The following PTPRT variants were observed in gnomAD, a reference collection of about 807,000 sequenced individuals.
The protein encoded by PTPRT is receptor-type tyrosine-protein phosphatase T.
A neutral mutation model predicts 176.8 loss-of-function variants in PTPRT; 56 were observed. That is an observed-to-expected ratio of 0.32 (90% CI 0.26 to 0.40). The LOEUF (loss-of-function observed/expected upper bound fraction) is 0.40, where lower values mean the gene tolerates loss of function less well. Among genes scored for constraint, PTPRT ranks in the 10% least tolerant of loss-of-function variants. The pLI is 1.00. For synonymous variants in PTPRT, 783 were observed against 739.0 expected (o/e 1.06, Z -0.96); for missense variants, 1,540 against 1,908.2 (o/e 0.81, Z 3.60).
intron 6 of PTPRT, among the ~76,000 whole-genome samples, chr20:42,743,543 T>C (rs1430232351): frequency 1.3e-5 from 2 of 152,244 alleles, no homozygotes; most frequent in Non-Finnish European, 2.9e-5. Flanking sequence ...GGAATAAGCG[T>C]GAAGCCTGGC....
At chr20:43,171,882 C>A (rs1396015447) in intron 1 of PTPRT, among the ~76,000 whole-genome samples, 1 of 152,214 alleles carries the variant, frequency 6.6e-6, no homozygotes, top group Non-Finnish European at 1.5e-5. Context: ...AGTACCCTAA[C>A]CCCTCTCCTC....
chr20:43,141,673 G>A (rs2014011606), intron 1 of PTPRT, among the ~76,000 whole-genome samples: 1 of 152,210 alleles, frequency 6.6e-6, no homozygotes, highest in South Asian at 2.1e-4. Flanking sequence ...CAGATGGTAA[G>A]GGGAAGAATT....
intron 18 of PTPRT, among the ~76,000 whole-genome samples, chr20:42,139,966 A>C (rs1328202554): frequency 1.3e-5 from 2 of 152,252 alleles, no homozygotes; most frequent in Non-Finnish European, 2.9e-5. Flanking sequence ...ACTTGCAAGA[A>C]ATCTTGCTGT....
chr20:42,994,998 C>A (rs1167177703), intron 1 of PTPRT, among the ~76,000 whole-genome samples: 5 of 152,184 alleles, frequency 3.3e-5, no homozygotes, highest in African/African-American at 1.2e-4. Context: ...CCAAGAAGAA[C>A]AGCAGAATTT....
At chr20:42,236,134 T>C (rs551564377) in intron 15 of PTPRT, 95 bp downstream of exon 15, 3 of 1,108,616 alleles carry the variant, frequency 2.7e-6, no homozygotes, top group African/African-American at 3.2e-5. Context: ...GAAGTGAAAA[T>C]GAGAAACTAA....
At chr20:43,010,973 A>C (rs749074703) in intron 1 of PTPRT, among the ~76,000 whole-genome samples, 3 of 152,200 alleles carry the variant, frequency 2.0e-5, no homozygotes, top group African/African-American at 7.2e-5. Flanking sequence ...AGAGACAAGA[A>C]TCAAGGTGGC....
chr20:42,180,853 G>C (rs1179079942), intron 16 of PTPRT, among the ~76,000 whole-genome samples: 1 of 152,196 alleles, frequency 6.6e-6, no homozygotes, highest in African/African-American at 2.4e-5. Context: ...ATTCGGGAGG[G>C]AGTACATTAT....
intron 15 of PTPRT, among the ~76,000 whole-genome samples, chr20:42,206,775 T>C (rs540306915): frequency 2.0e-5 from 3 of 152,244 alleles, no homozygotes; most frequent in South Asian, 2.1e-4. Context: ...CTGGGTGAAC[T>C]GGGCGGAGCC....
At position 42,162,529 on chromosome 20, in the gene PTPRT, G is replaced by GTT. The variant is rs549712661; in HGVS notation, c.2492-989_2492-988dup. ...ATACATTCTTGATCTCTCAGGGCCA[G>GTT]TTTACCTTTCCCAGAACCATCTAGG... is the stretch of plus-strand genomic sequence containing the variant. On this transcript the variant is annotated intron_variant, in intron 16 of 30. Transcript: ENST00000373187. Among the ~76,000 whole-genome samples the GTT allele has an allele frequency of 3.4e-4, 52 of 152,276 alleles. No homozygotes were observed. In the East Asian group the frequency reaches 9.3e-3, roughly 27 times the overall value.
chr20:42,479,199 G>A (rs1364563737), intron 7 of PTPRT, among the ~76,000 whole-genome samples: 1 of 152,204 alleles, frequency 6.6e-6, no homozygotes, highest in African/African-American at 2.4e-5. Context: ...TTCAATTCAT[G>A]AATTTGCTAC....
At chr20:42,407,933 GA>G (rs1324207198) in intron 9 of PTPRT, among the ~76,000 whole-genome samples, 2 of 152,030 alleles carry the variant, frequency 1.3e-5, no homozygotes, top group Non-Finnish European at 2.9e-5. Flanking sequence ...CATTTGATGG[GA>G]ATGGTTCTAA....
intron 6 of PTPRT, among the ~76,000 whole-genome samples, chr20:42,756,108 T>C (rs2076828208): frequency 1.3e-5 from 2 of 152,212 alleles, no homozygotes; most frequent in Admixed American, 1.3e-4. Flanking sequence ...GAAACAATAG[T>C]ACGAGAACAC....
At position 42,227,064 on chromosome 20, in the gene PTPRT, T is replaced by C. The variant is rs182993034; in HGVS notation, c.2342+9165A>G. 5.5e-4 allele frequency among the ~76,000 whole-genome samples: 83 copies of C among 151,926 alleles called. No homozygotes were observed. The East Asian group carries it at 0.016, about 28-fold the overall frequency. The stretch of plus-strand genomic sequence containing the variant: ...ACCCACTTGTCTCCAGAAAAGCCAA[T>C]GGGAGAGTCCCAAGCTGGGTTCTCT... On this transcript the variant is annotated intron_variant, in intron 15 of 30. Coordinates refer to ENST00000373187, the MANE Select transcript of PTPRT (RefSeq NM_007050.6).
chr20:42,210,304 G>A (rs1165391480), intron 15 of PTPRT, among the ~76,000 whole-genome samples: 6 of 151,862 alleles, frequency 4.0e-5, no homozygotes, highest in Non-Finnish European at 8.8e-5. Context: ...CCAGGGCAAT[G>A]AGGCAGGAGA....
rs183422529 is a variant in PTPRT at position 42,637,851 on chromosome 20, A to G, written c.1153+40015T>C. Among the ~76,000 whole-genome samples the G allele has an allele frequency of 4.1e-3, 617 of 152,270 alleles. 6 individuals are homozygous for G. The highest frequency in any genetic ancestry group is 7.6e-3 in the Admixed American group (116 of 15,284). On this transcript the variant is annotated intron_variant, in intron 7 of 30. Transcript: ENST00000373187. Reference sequence around the variant, plus strand: ...ACTGCAAATATATTAGCCAGCCTCCAAACTGACAAAGCTAAGAGGGTAAAG... The same window carrying G: ...ACTGCAAATATATTAGCCAGCCTCCGAACTGACAAAGCTAAGAGGGTAAAG...
intron 13 of PTPRT, among the ~76,000 whole-genome samples, chr20:42,272,704 TGCACACACACGTGCGC>T (rs2056957515): frequency 7.1e-6 from 1 of 141,368 alleles, no homozygotes; most frequent in Admixed American, 7.2e-5. Context: ...CGCGCATGCG[TGCACACACACGTGCGC>T]GCACACACAC....
intron 1 of PTPRT, among the ~76,000 whole-genome samples, chr20:43,165,594 C>T (rs2014837620): frequency 6.6e-6 from 1 of 152,160 alleles, no homozygotes; most frequent in African/African-American, 2.4e-5. Context: ...ATTACCTAGT[C>T]TCAGGTATTG....
At chr20:42,244,387 G>A in intron 14 of PTPRT, among the ~76,000 whole-genome samples, 1 of 152,212 alleles carries the variant, frequency 6.6e-6, no homozygotes, top group East Asian at 1.9e-4. Flanking sequence ...GGACAGACAA[G>A]GAAAGTTTGG....
At chr20:42,845,042 T>C (rs1328741814) in intron 2 of PTPRT, among the ~76,000 whole-genome samples, 1 of 152,152 alleles carries the variant, frequency 6.6e-6, no homozygotes, top group East Asian at 1.9e-4. Flanking sequence ...CCCTTGTTAC[T>C]ATGAAGGTAA....
Sources: allele counts gnomAD v4.1 joint callset (sites outside exome capture counted in the v4.1 genomes callset), GRCh38; gene constraint gnomAD v4.1.1; transcripts MANE v1.5; gene names NCBI Gene and HGNC (gene_info 2026-07-23, HGNC 2026-07-21).